The following MICU1 variants were observed in gnomAD, a reference collection of about 807,000 sequenced individuals.
MICU1 encodes the protein calcium uptake protein 1, mitochondrial.
MICU1 carries 45 observed loss-of-function variants against 56.8 expected under a neutral mutation model. The ratio of observed to expected loss-of-function variants is 0.79; its 90% CI spans 0.62 to 1.02. The LOEUF (loss-of-function observed/expected upper bound fraction) is 1.02, where lower values mean the gene tolerates loss of function less well. MICU1 is among the 50% of genes least tolerant of loss of function. The pLI, the probability that MICU1 is intolerant of heterozygous loss-of-function variation, is 0.00. For missense variants in MICU1, 504 were observed against 587.1 expected, an observed-to-expected ratio of 0.86 and a Z score of 1.46; for synonymous variants, 186 against 195.1, an observed-to-expected ratio of 0.95 and a Z score of 0.39.
intron 10 of MICU1, among the ~76,000 whole-genome samples, chr10:72,380,870 CT>C (rs1862679926): frequency 6.6e-6 from 1 of 152,108 alleles, no homozygotes; most frequent in Non-Finnish European, 1.5e-5. Flanking sequence ...TACTCAAGTC[CT>C]TTTGGTGAGG....
At chr10:72,585,147 G>A (rs1182380139) in intron 1 of MICU1, among the ~76,000 whole-genome samples, 2 of 150,732 alleles carry the variant, frequency 1.3e-5, no homozygotes, top group African/African-American at 4.9e-5. Flanking sequence ...GCGTGCAGTG[G>A]TGCAATCTTC....
chr10:72,475,413 T>C, intron 7 of MICU1, 116 bp from the exon 8 acceptor site: 2 of 980,224 alleles, frequency 2.0e-6, no homozygotes. Flanking sequence ...ATTATAATTA[T>C]CTCTTTTAAT....
intron 11 of MICU1, 83 bp downstream of exon 11, chr10:72,375,700 T>G (rs952799186): frequency 1.3e-5 from 17 of 1,273,144 alleles, no homozygotes; most frequent in Admixed American, 2.5e-5. Flanking sequence ...ACACAGATGC[T>G]GTCCGCAAGG....
At chr10:72,611,993 T>C (rs1222016732) in intron 1 of MICU1, among the ~76,000 whole-genome samples, 1 of 132,418 alleles carries the variant, frequency 7.6e-6, no homozygotes, top group Non-Finnish European at 1.6e-5. Flanking sequence ...AGACCTTATC[T>C]CTTAAAAACC....
intron 3 of MICU1, among the ~76,000 whole-genome samples, chr10:72,560,874 C>T (rs1039730581): frequency 5.9e-5 from 9 of 151,654 alleles, no homozygotes; most frequent in African/African-American, 2.2e-4. Context: ...CATCTCAAAA[C>T]AAACAAACAA....
At chr10:72,506,642 CTAT>C (rs1235251685) in intron 6 of MICU1, among the ~76,000 whole-genome samples, 1 of 152,140 alleles carries the variant, frequency 6.6e-6, no homozygotes, top group Non-Finnish European at 1.5e-5. Context: ...AGGCACTAAA[CTAT>C]TAATAGCTAC....
intron 1 of MICU1, among the ~76,000 whole-genome samples, chr10:72,610,384 T>G (rs1341409751): frequency 6.6e-6 from 1 of 152,146 alleles, no homozygotes; most frequent in Non-Finnish European, 1.5e-5. Flanking sequence ...ATCATTTATC[T>G]GAGATTTAAA....
intron 10 of MICU1, among the ~76,000 whole-genome samples, chr10:72,382,888 G>A (rs1862763837): frequency 1.3e-5 from 2 of 152,144 alleles, no homozygotes; most frequent in Admixed American, 1.3e-4. Flanking sequence ...CAGCCTGGGC[G>A]ACAGAGCAAG....
intron 1 of MICU1, among the ~76,000 whole-genome samples, chr10:72,608,751 TA>T (rs1406268248): frequency 6.6e-6 from 1 of 152,208 alleles, no homozygotes; most frequent in Non-Finnish European, 1.5e-5. Context: ...TACTTAACTG[TA>T]ACCTAACGAT....
chr10:72,495,517 G>T (rs984758044), intron 6 of MICU1, among the ~76,000 whole-genome samples: 1 of 152,042 alleles, frequency 6.6e-6, no homozygotes, highest in African/African-American at 2.4e-5. Context: ...TTAGCTGAGC[G>T]TGGTGGCGGG....
chr10:72,386,773 G>A (rs1454446602), intron 10 of MICU1, among the ~76,000 whole-genome samples: 1 of 151,658 alleles, frequency 6.6e-6, no homozygotes, highest in Non-Finnish European at 1.5e-5. Flanking sequence ...TGTTGCCTAG[G>A]TTGGTCTGGA....
chr10:72,514,423 A>G (rs973788400), intron 5 of MICU1, among the ~76,000 whole-genome samples: 4 of 151,874 alleles, frequency 2.6e-5, no homozygotes, highest in African/African-American at 9.7e-5. Flanking sequence ...GACATTTTGT[A>G]TATTATAATG....
chr10:72,490,350 T>C (rs568943003), intron 6 of MICU1, among the ~76,000 whole-genome samples: 1 of 152,240 alleles, frequency 6.6e-6, no homozygotes, highest in South Asian at 2.1e-4. Flanking sequence ...AAGATTTTGA[T>C]GTCAAATAAC....
At chr10:72,608,795 C>G (rs935873979) in intron 1 of MICU1, among the ~76,000 whole-genome samples, 1 of 152,126 alleles carries the variant, frequency 6.6e-6, no homozygotes, top group Non-Finnish European at 1.5e-5. Flanking sequence ...AACAAGTACC[C>G]AAGTCTCATC....
At chr10:72,373,815 T>A in intron 11 of MICU1, among the ~76,000 whole-genome samples, 1 of 152,154 alleles carries the variant, frequency 6.6e-6, no homozygotes, top group East Asian at 1.9e-4. Flanking sequence ...CTAGAAGTGA[T>A]TGGAGTGAAA....
At chr10:72,500,253 CATACATACATAT>C (rs1175510297) in intron 6 of MICU1, among the ~76,000 whole-genome samples, 1 of 49,948 alleles carries the variant, frequency 2.0e-5, no homozygotes, top group African/African-American at 1.2e-4. Context: ...TATATACATA[CATACATACATAT>C]ATATATATAT....
chr10:72,472,047 T>C (rs1170332994), intron 8 of MICU1, among the ~76,000 whole-genome samples: 3 of 152,142 alleles, frequency 2.0e-5, no homozygotes, highest in Non-Finnish European at 4.4e-5. Flanking sequence ...CTGTTTTCCA[T>C]AGGGTAAAAA....
At chr10:72,586,651 C>CAA (rs766455279) in intron 1 of MICU1, among the ~76,000 whole-genome samples, 5 of 125,646 alleles carry the variant, frequency 4.0e-5, no homozygotes, top group African/African-American at 1.2e-4. Context: ...GACTCCATCT[C>CAA]AAAAAAAAAA....
intron 4 of MICU1, among the ~76,000 whole-genome samples, chr10:72,541,482 A>G (rs1455865124): frequency 6.6e-6 from 1 of 152,172 alleles, no homozygotes; most frequent in Non-Finnish European, 1.5e-5. Context: ...TGGCAACTGA[A>G]TGACCCCACC....
Sources: gnomAD v4.1 joint callset for allele counts (sites outside exome capture counted in the v4.1 genomes callset) on GRCh38, gnomAD v4.1.1 for gene constraint, MANE v1.5 for transcripts, NCBI Gene and HGNC (gene_info 2026-07-23, HGNC 2026-07-21) for gene names.